The following ARID1B variants were observed in gnomAD, a reference collection of about 807,000 sequenced individuals.
The protein encoded by ARID1B is AT-rich interactive domain-containing protein 1B.
ARID1B carries 30 observed loss-of-function variants against 212.3 expected under a neutral mutation model. The ratio of observed to expected loss-of-function variants is 0.14; its 90% CI spans 0.11 to 0.19. ARID1B has a LOEUF of 0.19. Among genes scored for constraint, ARID1B ranks in the 10% least tolerant of loss-of-function variants. The pLI is 1.00. For missense variants in ARID1B, 2,891 were observed against 3,204.0 expected (o/e 0.90, Z 2.36); for synonymous variants, 1,402 against 1,301.7 (o/e 1.08, Z -1.66).
intron 6 of ARID1B, among the ~76,000 whole-genome samples, chr6:157,115,125 G>T (rs1335706187): frequency 6.6e-6 from 1 of 152,092 alleles, no homozygotes; most frequent in African/African-American, 2.4e-5. Flanking sequence ...CTCTTTTTCG[G>T]TGCCCATTTT....
At chr6:157,003,334 G>C (rs184632648) in intron 4 of ARID1B, among the ~76,000 whole-genome samples, 17 of 152,286 alleles carry the variant, frequency 1.1e-4, no homozygotes, top group African/African-American at 4.1e-4. Context: ...CAGAGGGTGA[G>C]GGAGCATCAT....
At chr6:156,968,509 A>C (rs1794925093) in intron 4 of ARID1B, among the ~76,000 whole-genome samples, 1 of 152,192 alleles carries the variant, frequency 6.6e-6, no homozygotes, top group South Asian at 2.1e-4. Flanking sequence ...CATCATTCTC[A>C]TCGTCTTTTT....
intron 9 of ARID1B, among the ~76,000 whole-genome samples, chr6:157,170,724 T>C (rs969837504): frequency 3.9e-5 from 6 of 152,080 alleles, no homozygotes; most frequent in Admixed American, 3.3e-4. Flanking sequence ...TGATGGGGTA[T>C]GCAGGGCCTC....
At chr6:157,182,522 G>A (rs1251400575) in intron 12 of ARID1B, among the ~76,000 whole-genome samples, 1 of 152,172 alleles carries the variant, frequency 6.6e-6, no homozygotes, top group Non-Finnish European at 1.5e-5. Context: ...CCCCACCAAG[G>A]TGGCGGGGGT....
At chr6:156,880,425 G>C (rs768372187) in intron 2 of ARID1B, among the ~76,000 whole-genome samples, 1 of 152,172 alleles carries the variant, frequency 6.6e-6, no homozygotes, top group Admixed American at 6.5e-5. Flanking sequence ...TAGATTTATT[G>C]TGTAAGTTTT....
chr6:156,914,620 TC>T (rs1310364145), intron 3 of ARID1B, among the ~76,000 whole-genome samples: 5 of 152,238 alleles, frequency 3.3e-5, no homozygotes, highest in Admixed American at 6.5e-5. Flanking sequence ...GCTTTACGTA[TC>T]TGGAGACTTG....
chr6:156,776,127 G>A (rs1430140845), upstream of ARID1B, among the ~76,000 whole-genome samples: 2 of 152,186 alleles, frequency 1.3e-5, no homozygotes, highest in Non-Finnish European at 2.9e-5. Context: ...TACCAAAACC[G>A]TAAGTATTGT....
intron 4 of ARID1B, among the ~76,000 whole-genome samples, chr6:157,021,461 G>T (rs905814086): frequency 6.6e-6 from 1 of 152,210 alleles, no homozygotes; most frequent in African/African-American, 2.4e-5. Context: ...GGCGGCCTCT[G>T]CCGGCAGGCC....
At chr6:157,019,018 G>A (rs1349253626) in intron 4 of ARID1B, among the ~76,000 whole-genome samples, 1 of 152,266 alleles carries the variant, frequency 6.6e-6, no homozygotes, top group Non-Finnish European at 1.5e-5. Flanking sequence ...ATGACAGGGT[G>A]CTTCATATTC....
intron 4 of ARID1B, among the ~76,000 whole-genome samples, chr6:157,052,337 G>T (rs1782664042): frequency 6.6e-6 from 1 of 152,208 alleles, no homozygotes; most frequent in African/African-American, 2.4e-5. Flanking sequence ...AATGGTAATA[G>T]ATCCGTGTGG....
intron 2 of ARID1B, among the ~76,000 whole-genome samples, chr6:156,852,046 A>C (rs1784612998): frequency 6.6e-6 from 1 of 151,976 alleles, no homozygotes. Context: ...TCTATTCTTT[A>C]CCTCTCGCAA....
intron 7 of ARID1B, among the ~76,000 whole-genome samples, chr6:157,143,745 G>A (rs753426147): frequency 6.6e-5 from 10 of 152,318 alleles, no homozygotes; most frequent in Non-Finnish European, 1.2e-4. Flanking sequence ...ACCGTTTTAA[G>A]CCTTTAGAAA....
At chr6:156,974,434 A>G (rs1024349906) in intron 4 of ARID1B, among the ~76,000 whole-genome samples, 1 of 152,218 alleles carries the variant, frequency 6.6e-6, no homozygotes, top group Non-Finnish European at 1.5e-5. Context: ...GTACCTGAAA[A>G]GCCAATTGTG....
At chr6:157,192,798 C>T (rs766318558) in intron 15 of ARID1B, among the ~76,000 whole-genome samples, 9 of 152,338 alleles carry the variant, frequency 5.9e-5, no homozygotes, top group Admixed American at 1.3e-4. Context: ...AGAAAATCCA[C>T]GGGAAACACA....
chr6:156,916,089 A>G (rs1013155680), intron 3 of ARID1B, among the ~76,000 whole-genome samples: 2 of 152,176 alleles, frequency 1.3e-5, no homozygotes, highest in African/African-American at 2.4e-5. Context: ...AAGAGCCCTC[A>G]CAGAATTTGG....
At chr6:157,016,198 C>T (rs1036468275) in intron 4 of ARID1B, among the ~76,000 whole-genome samples, 3 of 152,046 alleles carry the variant, frequency 2.0e-5, no homozygotes, top group Admixed American at 6.5e-5. Context: ...TGTATTTTCA[C>T]GTCAATAATC....
intron 3 of ARID1B, among the ~76,000 whole-genome samples, chr6:156,930,565 A>G (rs1335107263): frequency 6.6e-6 from 1 of 152,262 alleles, no homozygotes; most frequent in Admixed American, 6.5e-5. Context: ...TTGATGCTAC[A>G]GAGATTTTCA....
intron 2 of ARID1B, among the ~76,000 whole-genome samples, chr6:156,856,700 T>TCTCACA (rs1168465535): frequency 1.7e-4 from 19 of 114,732 alleles, no homozygotes; most frequent in African/African-American, 4.5e-4. Flanking sequence ...TCTCTCTCTC[T>TCTCACA]CACACACACA....
intron 2 of ARID1B, among the ~76,000 whole-genome samples, chr6:156,839,263 C>T: frequency 6.6e-6 from 1 of 152,172 alleles, no homozygotes. Flanking sequence ...GTGTTGGCCT[C>T]TGGTGAGGGC....
Sources: allele counts gnomAD v4.1 joint callset (sites outside exome capture counted in the v4.1 genomes callset), GRCh38; gene constraint gnomAD v4.1.1; transcripts MANE v1.5; gene names NCBI Gene and HGNC (gene_info 2026-07-23, HGNC 2026-07-21).